The following LEKR1 variants were observed in gnomAD, a reference collection of about 807,000 sequenced individuals.
The protein encoded by LEKR1 is protein LEKR1.
In LEKR1, 59 loss-of-function variants were observed where a neutral mutation model predicts 72.4. That is an observed-to-expected ratio of 0.82 (90% CI 0.66 to 1.01). The LOEUF (loss-of-function observed/expected upper bound fraction) is 1.01, where lower values mean the gene tolerates loss of function less well. Ranked by LOEUF, LEKR1 falls within the 50% of genes least tolerant of loss-of-function variation. The pLI, the probability that LEKR1 is intolerant of heterozygous loss-of-function variation, is 0.00. For missense variants in LEKR1, 728 were observed against 759.2 expected (o/e 0.96, Z 0.48); for synonymous variants, 257 against 263.2 (o/e 0.98, Z 0.23).
chr3:156,967,491 T>C (rs1728736303), intron 6 of LEKR1, among the ~76,000 whole-genome samples: 1 of 152,130 alleles, frequency 6.6e-6, no homozygotes. Context: ...CAAGCCTCAT[T>C]AGCCGATTTG....
intron 6 of LEKR1, among the ~76,000 whole-genome samples, chr3:156,974,917 C>CA (rs556500012): frequency 6.6e-6 from 1 of 152,118 alleles, no homozygotes; most frequent in Non-Finnish European, 1.5e-5. Flanking sequence ...GGTCCAAGTG[C>CA]AAAAACAGCA....
chr3:156,888,601 C>T, intron 3 of LEKR1: 1 of 490,532 alleles, frequency 2.0e-6, no homozygotes, highest in Non-Finnish European at 3.7e-6. Flanking sequence ...GCTAATTAAG[C>T]ATGCCATGTT....
intron 10 of LEKR1, among the ~76,000 whole-genome samples, chr3:157,017,948 C>CAAAAAAAAAAAAAAAAAAAAA (rs58950224): frequency 2.8e-4 from 23 of 82,970 alleles, no homozygotes; most frequent in African/African-American, 1.5e-3. Flanking sequence ...GACTCTGTCT[C>CAAAAAAAAAAAAAAAAAAAAA]AAAAAAAAAA....
chr3:156,855,402 A>AT (rs1715938862), intron 3 of LEKR1, among the ~76,000 whole-genome samples: 1 of 152,124 alleles, frequency 6.6e-6, no homozygotes, highest in Non-Finnish European at 1.5e-5. Flanking sequence ...GAAGCTGAAC[A>AT]TTTGTTTGTG....
chr3:156,894,484 T>A (rs1351117840), intron 3 of LEKR1, among the ~76,000 whole-genome samples: 1 of 152,242 alleles, frequency 6.6e-6, no homozygotes, highest in East Asian at 1.9e-4. Flanking sequence ...GTAGTCTGAA[T>A]GGTTGTGTCC....
intron 3 of LEKR1, among the ~76,000 whole-genome samples, chr3:156,886,668 A>G (rs764024137): frequency 6.6e-6 from 1 of 152,008 alleles, no homozygotes; most frequent in Non-Finnish European, 1.5e-5. Flanking sequence ...CCCTAAATCC[A>G]TTTCATCTCT....
chr3:156,948,446 A>AT (rs1184558398), intron 6 of LEKR1, among the ~76,000 whole-genome samples: 4 of 151,094 alleles, frequency 2.6e-5, no homozygotes, highest in Non-Finnish European at 4.5e-5. Flanking sequence ...GAGTTCATCT[A>AT]TTTTTTCCCA....
chr3:156,927,623 G>T lies in LEKR1; in HGVS notation c.559+19G>T. ...TTGACAGGTTTGTTACATATATTTA[G>T]AATATAATTGTCCCTTTTTGGTAAA... On this transcript the variant is annotated intron_variant, in intron 5 of 12. Coordinates refer to ENST00000356539, the MANE Select transcript of LEKR1 (RefSeq NM_001004316.3). 9.4e-7 allele frequency: 1 copy of T among 1,067,208 alleles called. No homozygotes were observed. The allele number at this position is 1,067,208 out of a possible 1,614,324, so 66.1% of individuals were successfully genotyped here.
At chr3:156,923,605 T>G (rs1271457028) in intron 4 of LEKR1, among the ~76,000 whole-genome samples, 1 of 152,242 alleles carries the variant, frequency 6.6e-6, no homozygotes, top group Non-Finnish European at 1.5e-5. Context: ...TTCCACTTGT[T>G]GGTGCTTATG....
chr3:157,037,671 T>C (rs551517546), intron 12 of LEKR1, among the ~76,000 whole-genome samples: 4 of 152,338 alleles, frequency 2.6e-5, no homozygotes, highest in Admixed American at 1.3e-4. Flanking sequence ...CCTGTGTGCC[T>C]ACTGCAGTTG....
chr3:156,899,705 TATATACACATATATACA>T lies in LEKR1; in HGVS notation c.264-20869_264-20853del, dbSNP rs1416968325. 2.7e-4 allele frequency among the ~76,000 whole-genome samples: 35 copies of T among 127,722 alleles called. 4 individuals are homozygous for T. The highest frequency in any genetic ancestry group is 1.0e-3 in the African/African-American group (35 of 34,720). The allele number at this position is 127,722 out of a possible 152,430, so 83.8% of individuals were successfully genotyped here. A position where few individuals can be genotyped will look rare whatever the true frequency, so the allele number is the denominator to read the frequency against. ...GCATATATACACATATATACACGCA[TATATACACATATATACA>T]TGCATATATACACATATATACATGC... On this transcript the variant is annotated intron_variant, in intron 3 of 12. Coordinates refer to ENST00000356539, the MANE Select transcript of LEKR1 (RefSeq NM_001004316.3).
chr3:156,846,179 A>G (rs1177297665), intron 2 of LEKR1, among the ~76,000 whole-genome samples: 5 of 152,188 alleles, frequency 3.3e-5, no homozygotes, highest in African/African-American at 4.8e-5. Context: ...ATCTTGAAAC[A>G]TGCAACCTTG....
At chr3:156,951,942 G>T (rs1392323261) in intron 6 of LEKR1, among the ~76,000 whole-genome samples, 1 of 151,438 alleles carries the variant, frequency 6.6e-6, no homozygotes, top group African/African-American at 2.4e-5. Context: ...AGATTCTAAT[G>T]CTTCAAATAA....
intron 6 of LEKR1, among the ~76,000 whole-genome samples, chr3:156,974,393 G>T (rs1220267693): frequency 6.6e-6 from 1 of 152,236 alleles, no homozygotes; most frequent in South Asian, 2.1e-4. Context: ...AAGCATAAAT[G>T]CTCTCTAGAA....
chr3:156,928,775 T>C (rs926141018), intron 5 of LEKR1, among the ~76,000 whole-genome samples: 1 of 152,090 alleles, frequency 6.6e-6, no homozygotes, highest in Non-Finnish European at 1.5e-5. Flanking sequence ...ACTAAAGTAG[T>C]TGATATTTTA....
At chr3:156,989,069 A>T (rs559937175) in intron 7 of LEKR1, among the ~76,000 whole-genome samples, 1 of 152,054 alleles carries the variant, frequency 6.6e-6, no homozygotes, top group Non-Finnish European at 1.5e-5. Flanking sequence ...TGACTTCATG[A>T]TCCACCTGCC....
chr3:156,891,439 T>C (rs1201904803), intron 3 of LEKR1, among the ~76,000 whole-genome samples: 1 of 152,152 alleles, frequency 6.6e-6, no homozygotes, highest in Non-Finnish European at 1.5e-5. Flanking sequence ...ATCTTTTTAA[T>C]CTGGATGAGG....
chr3:156,983,023 AT>A (rs1422617197), intron 7 of LEKR1, among the ~76,000 whole-genome samples: 1 of 152,028 alleles, frequency 6.6e-6, no homozygotes, highest in East Asian at 1.9e-4. Flanking sequence ...CCATTTTTTA[AT>A]TTTTAAGAAG....
intron 9 of LEKR1, among the ~76,000 whole-genome samples, chr3:156,995,789 G>T (rs940327741): frequency 3.2e-4 from 49 of 152,228 alleles, no homozygotes; most frequent in African/African-American, 1.1e-3. Context: ...CTGAGATCAC[G>T]CCATTGTCCA....
Sources: allele counts gnomAD v4.1 joint callset (sites outside exome capture counted in the v4.1 genomes callset), GRCh38; gene constraint gnomAD v4.1.1; transcripts MANE v1.5; gene names NCBI Gene and HGNC (gene_info 2026-07-23, HGNC 2026-07-21).